Variants in TTK observed in about 807,000 individuals in gnomAD.
TTK encodes the protein TTK protein kinase, also known as dual specificity protein kinase TTK.
A neutral mutation model predicts 117.3 loss-of-function variants in TTK; 59 were observed. The ratio of observed to expected loss-of-function variants is 0.50; its 90% confidence interval spans 0.41 to 0.62. The LOEUF is 0.62. Among genes scored for constraint, TTK ranks in the 20% least tolerant of loss-of-function variants. TTK has a pLI of 0.00. For missense variants in TTK, 921 were observed against 989.4 expected (o/e 0.93, Z 0.93); for synonymous variants, 302 against 325.0 (o/e 0.93, Z 0.76).
At chr6:80,011,839 A>G (rs575235421) in intron 7 of TTK, 38 bp downstream of exon 7, 1 of 1,612,090 alleles carries the variant, frequency 6.2e-7, no homozygotes, top group Non-Finnish European at 8.5e-7. Flanking sequence ...AGGTGGTGAT[A>G]GTCTTTATTT....
chr6:80,023,465 C>T lies in TTK; in HGVS notation c.1257+993C>T, dbSNP rs190534295. Among the ~76,000 whole-genome samples, 1,098 of 151,888 alleles carry T rather than the reference C, an allele frequency of 7.2e-3. 15 individuals carry two copies. Among genetic ancestry groups the T allele is most frequent in the African/African-American group, 0.025 (1,054 of 41,408 alleles). On this transcript the variant is annotated intron_variant, in intron 11 of 21. Transcript: ENST00000369798. ...AAAATTAGCCGGGTGTGGTGGTGGG[C>T]GCCTGTAGTCCCAGCTACTTGGGAG... is the stretch of plus-strand genomic sequence containing the variant.
chr6:80,010,874 T>C lies in TTK; in HGVS notation c.530T>C (p.Leu177Pro). The C allele has an allele frequency of 6.2e-7, 1 of 1,612,518 alleles. No individual in the cohort carries two copies. Among genetic ancestry groups the C allele is most frequent in the South Asian group, 1.1e-5 (1 of 91,030 alleles). The part of the protein sequence containing the change: ...QKAVERGAVP[L>P]EMLEIALRNL... ...GCTGTAGAACGTGGAGCAGTACCAC[T>C]AGAAATGCTGGAAATTGCCCTGCGG... Residue 177 changes from leucine to proline, a missense_variant, in exon 5 of 22, where the codon CTA becomes CCA. Coordinates refer to ENST00000369798, the MANE Select transcript of TTK (RefSeq NM_003318.5).
intron 11 of TTK, among the ~76,000 whole-genome samples, chr6:80,023,250 A>G (rs1725679015): frequency 6.6e-6 from 1 of 152,218 alleles, no homozygotes; most frequent in African/African-American, 2.4e-5. Flanking sequence ...TCTATTTACT[A>G]TATTAGGAAG....
intron 18 of TTK, 66 bp from the exon 19 acceptor site, chr6:80,039,630 T>C (rs922677067): frequency 1.7e-6 from 2 of 1,211,254 alleles, no homozygotes; most frequent in African/African-American, 1.6e-5. Flanking sequence ...ATATTTAATA[T>C]ATATGTTTTT....
In TTK at chr6:80,040,410, C is replaced by G. The variant is rs536368049; in HGVS notation, c.2392+130C>G. On this transcript the variant is annotated intron_variant, in intron 20 of 21. Transcript: ENST00000369798. ...GCCTGCCTTTTTCCTTAAGGAAGTT[C>G]CATTATTATAAATAGTAAAGTAAAT... is the stretch of plus-strand genomic sequence containing the variant. The G allele has an allele frequency of 1.8e-5, 17 of 923,560 alleles. No individual in the cohort carries two copies. In the South Asian group the frequency reaches 3.7e-4, roughly 20 times the overall value. The allele number at this position is 923,560 out of a possible 1,614,324, so 57.2% of individuals were successfully genotyped here.
Position 80,031,554 on chromosome 6 carries a change from A to G in TTK, c.1609A>G (p.Ser537Gly), listed in dbSNP as rs781251041. Residue 537 changes from serine (S) to glycine (G), a missense_variant, in exon 14 of 22, where the codon AGC (serine) becomes GGC (glycine). Physicochemically the swap from Ser to Gly is moderately conservative, Grantham distance 56. Coordinates refer to ENST00000369798, the MANE Select transcript of TTK (RefSeq NM_003318.5). ...ILKQIGSGGS[S>G]KVFQVLNEKK... ...AAAGCAGATAGGAAGTGGAGGTTCA[A>G]GCAAGGTAAGTATCTTAAAATATTT... is the stretch of plus-strand genomic sequence containing the variant. 6.6e-7 allele frequency: 1 copy of G among 1,509,090 alleles called. No individual in the cohort carries two copies. Among genetic ancestry groups the G allele is most frequent in the Non-Finnish European group, 8.8e-7 (1 of 1,132,790 alleles). The allele number at this position is 1,509,090 out of a possible 1,614,324, so 93.5% of individuals were successfully genotyped here. A position where few individuals can be genotyped will look rare whatever the true frequency, so the allele number is the denominator to read the frequency against.
chr6:80,030,981 G>A (rs1188496068), intron 13 of TTK, among the ~76,000 whole-genome samples: 1 of 151,486 alleles, frequency 6.6e-6, no homozygotes, highest in Admixed American at 6.6e-5. Flanking sequence ...GGAGGCAGAG[G>A]GTGCAGTGAG....
chr6:80,036,685 T>C, intron 17 of TTK, 86 bp downstream of exon 17: 1 of 1,346,882 alleles, frequency 7.4e-7, no homozygotes, highest in Non-Finnish European at 9.9e-7. Flanking sequence ...GTGTTATATT[T>C]TTAATCACCT....
chr6:80,039,208 G>A (rs57787325), intron 18 of TTK, among the ~76,000 whole-genome samples: 5,610 of 152,010 alleles, frequency 0.037, 330 homozygotes, highest in African/African-American at 0.13. Context: ...AATACTTGAG[G>A]ATTTTGGACA....
At chr6:80,009,613 CTTAAA>C (rs1281969191) in intron 4 of TTK, among the ~76,000 whole-genome samples, 1 of 151,990 alleles carries the variant, frequency 6.6e-6, no homozygotes, top group African/African-American at 2.4e-5. Context: ...TATTGAAACT[CTTAAA>C]TTGAGTTATC....
intron 3 of TTK, 30 bp downstream of exon 3, chr6:80,008,061 CTA>C: frequency 6.2e-7 from 1 of 1,602,432 alleles, no homozygotes; most frequent in Non-Finnish European, 8.5e-7. Flanking sequence ...CTATGTTCAA[CTA>C]TGTTACATAA....
At chr6:80,021,908 G>T (rs1767468902) in intron 10 of TTK, among the ~76,000 whole-genome samples, 1 of 152,074 alleles carries the variant, frequency 6.6e-6, no homozygotes, top group Non-Finnish European at 1.5e-5. Context: ...GGGTTTCAAA[G>T]TATGCTTCCA....
Position 80,038,095 on chromosome 6 carries a change from A to G in TTK, c.2130+48A>G, listed in dbSNP as rs1381230674. ...CACAATTATCTGGCAACAGTAGGGA[A>G]TGCACTATTTTCTGAATAAACTTAC... On this transcript the variant is annotated intron_variant, in intron 18 of 21. Transcript: ENST00000369798. The G allele has an allele frequency of 2.9e-6, 4 of 1,385,652 alleles. No individual in the cohort carries two copies. The African/African-American group carries it at 5.8e-5, about 20-fold the overall frequency. 85.8% of individuals were successfully genotyped at this position (1,385,652 alleles called of 1,614,324 possible). A position where few individuals can be genotyped will look rare whatever the true frequency, so the allele number is the denominator to read the frequency against.
At chr6:80,037,765 C>G (rs1396638949) in intron 17 of TTK, 4 of 241,420 alleles carry the variant, frequency 1.7e-5, no homozygotes, top group Non-Finnish European at 3.1e-5. Flanking sequence ...TTAACGTTGT[C>G]AGCAGTTATT....
In TTK at chr6:80,036,681, T is replaced by A. The variant is rs565940058; in HGVS notation, c.2049+82T>A. On this transcript the variant is annotated intron_variant, in intron 17 of 21. Coordinates refer to ENST00000369798, the MANE Select transcript of TTK (RefSeq NM_003318.5). Reference sequence around the variant, plus strand: ...AGTATTATATTGCAAATGAGTGTTATATTTTTAATCACCTCATTCTTCAAA... The same window carrying A: ...AGTATTATATTGCAAATGAGTGTTAAATTTTTAATCACCTCATTCTTCAAA... 6.5e-6 allele frequency: 9 copies of A among 1,395,030 alleles called. No individual in the cohort carries two copies. In the African/African-American group the frequency reaches 1.3e-4, roughly 20 times the overall value. 86.4% of individuals were successfully genotyped at this position (1,395,030 alleles called of 1,614,324 possible).
At chr6:80,031,230 T>C (rs1392751209) in intron 13 of TTK, among the ~76,000 whole-genome samples, 1 of 151,762 alleles carries the variant, frequency 6.6e-6, no homozygotes, top group East Asian at 1.9e-4. Flanking sequence ...TTTTTCCTCC[T>C]TAAATTTTCT....
intron 10 of TTK, among the ~76,000 whole-genome samples, chr6:80,017,687 A>G (rs1767346233): frequency 6.6e-6 from 1 of 152,168 alleles, no homozygotes; most frequent in Non-Finnish European, 1.5e-5. Flanking sequence ...TTGGATTTCC[A>G]TATAAACACT....
chr6:80,034,547 C>G (rs1767843880), intron 14 of TTK, among the ~76,000 whole-genome samples: 1 of 152,122 alleles, frequency 6.6e-6, no homozygotes, highest in Non-Finnish European at 1.5e-5. Flanking sequence ...AGGCTGGACT[C>G]AAACTGCTGG....
chr6:80,029,781 G>A (rs1327372928), intron 13 of TTK, among the ~76,000 whole-genome samples: 3 of 152,198 alleles, frequency 2.0e-5, no homozygotes, highest in Non-Finnish European at 4.4e-5. Context: ...AGTGAGTAGG[G>A]CATACTAAGG....
Sources: allele counts gnomAD v4.1 joint callset (sites outside exome capture counted in the v4.1 genomes callset), GRCh38; gene constraint gnomAD v4.1.1; transcripts MANE v1.5; gene names NCBI Gene and HGNC (gene_info 2026-07-23, HGNC 2026-07-21).